Variants in MASP1 observed in about 807,000 individuals in gnomAD.
The protein encoded by MASP1 is mannan-binding lectin serine protease 1.
MASP1 carries 59 observed loss-of-function variants against 77.1 expected under a neutral mutation model. That is an observed-to-expected ratio of 0.77 (90% CI 0.62 to 0.95). MASP1 has a LOEUF of 0.95. Ranked by LOEUF, MASP1 falls within the 40% of genes least tolerant of loss-of-function variation. The pLI is 0.00. For synonymous variants in MASP1, 362 were observed against 354.5 expected, an observed-to-expected ratio of 1.02 and a Z score of -0.24; for missense variants, 885 against 912.9, an observed-to-expected ratio of 0.97 and a Z score of 0.39.
At chr3:187,243,861 T>G (rs1713861136) in intron 8 of MASP1, 1 of 554,006 alleles carries the variant, frequency 1.8e-6, no homozygotes, top group Non-Finnish European at 3.3e-6. Flanking sequence ...TCAACTCACC[T>G]GCCCAGTGTC....
At position 187,220,360 on chromosome 3, in the gene MASP1, G is replaced by A; in HGVS notation, c.1910-99C>T. On this transcript the variant is annotated intron_variant, in intron 15 of 15. Coordinates refer to the MASP1 transcript ENST00000337774. ...TTGTAGTTCAGAGAATTGGGCACTA[G>A]AGGGCATAGCAGACCGTTGGACCCA... 3.6e-6 allele frequency: 4 copies of A among 1,112,652 alleles called. No individual in the cohort carries two copies. In the Admixed American group the frequency reaches 8.2e-5, roughly 23 times the overall value. 68.9% of individuals were successfully genotyped at this position (1,112,652 alleles called of 1,614,324 possible). A position where few individuals can be genotyped will look rare whatever the true frequency, so the allele number is the denominator to read the frequency against.
intron 11 of MASP1, among the ~76,000 whole-genome samples, chr3:187,227,374 T>C (rs1337395683): frequency 6.6e-6 from 1 of 152,218 alleles, no homozygotes; most frequent in Non-Finnish European, 1.5e-5. Flanking sequence ...TCAGCTGTCA[T>C]CTTTCTCTGG....
intron 2 of MASP1, among the ~76,000 whole-genome samples, chr3:187,268,577 A>T (rs893429964): frequency 6.6e-6 from 1 of 152,128 alleles, no homozygotes; most frequent in Non-Finnish European, 1.5e-5. Flanking sequence ...AAAAGAAAGG[A>T]AGGACTGTAT....
At chr3:187,268,833 A>G (rs1361237162) in intron 2 of MASP1, among the ~76,000 whole-genome samples, 1 of 152,182 alleles carries the variant, frequency 6.6e-6, no homozygotes, top group Non-Finnish European at 1.5e-5. Flanking sequence ...TTGGGAGGCC[A>G]AGGTGGGTGG....
intron 2 of MASP1, among the ~76,000 whole-genome samples, chr3:187,269,663 G>A (rs1579558855): frequency 6.6e-6 from 1 of 152,274 alleles, no homozygotes; most frequent in Non-Finnish European, 1.5e-5. Context: ...TCTGGAGTTG[G>A]CAACATGTGC....
At chr3:187,260,901 A>G (rs1715521524) in intron 3 of MASP1, 29 bp from the exon 4 acceptor site, 2 of 1,613,682 alleles carry the variant, frequency 1.2e-6, no homozygotes, top group Admixed American at 3.3e-5. Context: ...CTCTCCATCA[A>G]TACATGCATG....
At chr3:187,225,770 AT>A (rs1468491464) in intron 12 of MASP1, among the ~76,000 whole-genome samples, 1 of 152,072 alleles carries the variant, frequency 6.6e-6, no homozygotes, top group African/African-American at 2.4e-5. Context: ...CACATGTTCA[AT>A]CCCTATCATC....
rs375399118 is a variant in MASP1 at position 187,256,686 on chromosome 3, G to A, written c.722C>T (p.Pro241Leu). The change falls in exon 5 of 11, where the codon CCC (proline) becomes CTC (leucine). Residue 241 changes from proline to leucine, a missense_variant. Pro to Leu is a moderately conservative substitution (Grantham distance 98). Transcript: ENST00000296280. The part of the protein sequence containing the change: ...IFDIEDHPEV[P>L]CPYDYIKIKV... ...CACCTTGATGTAGTCATAGGGGCAGGGCACCTCAGGATGGTCCTCAATGTC... is the reference window on the plus strand; with the variant it reads ...CACCTTGATGTAGTCATAGGGGCAGAGCACCTCAGGATGGTCCTCAATGTC... 34 of 1,613,824 alleles carry A rather than the reference G, an allele frequency of 2.1e-5. No homozygotes were observed. The highest frequency in any genetic ancestry group is 1.3e-4 in the Admixed American group (8 of 59,978).
chr3:187,274,228 T>G (rs1716767132), intron 2 of MASP1, among the ~76,000 whole-genome samples: 1 of 151,676 alleles, frequency 6.6e-6, no homozygotes, highest in Non-Finnish European at 1.5e-5. Context: ...GTAATAAAAA[T>G]AATGATGATG....
rs557823813 is a variant in MASP1 at position 187,217,915 on chromosome 3, T to C, written c.*2156A>G. 2.0e-5 allele frequency: 3 copies of C among 152,354 alleles called. No homozygotes were observed. In the East Asian group the frequency reaches 5.8e-4, roughly 29 times the overall value. The allele number at this position is 152,354 out of a possible 1,614,324, so 9.4% of individuals were successfully genotyped here. The stretch of plus-strand genomic sequence containing the variant: ...CAAGTCCTGTTTAGAATTCTAACTT[T>C]AAGGAGAAAAGCTCTTTTTGGTGTT... On this transcript the variant is annotated 3_prime_UTR_variant, in exon 16 of 16. Transcript: ENST00000337774.
Position 187,286,054 on chromosome 3 carries a change from C to T in MASP1, c.8G>A (p.Trp3Ter), listed in dbSNP as rs763048287. MR[W>*]LLLYYALCFS... is the part of the protein sequence containing the mutation. ...GCACAGAGCATAATAGAGAAGCAGC[C>T]ACCTGAAAGACATGAATGTAGGTCT... The change falls in exon 2 of 11, where the codon TGG becomes TAG. Residue 3 changes from tryptophan (W) to a stop codon, truncating the protein, a stop_gained and splice_region_variant. Coordinates refer to ENST00000296280, the MANE Select transcript of MASP1 (RefSeq NM_139125.4). LOFTEE classifies it high-confidence loss of function. 1 of 1,612,800 alleles carries T rather than the reference C, an allele frequency of 6.2e-7. No homozygotes were observed. Among genetic ancestry groups the T allele is most frequent in the Non-Finnish European group, 8.5e-7 (1 of 1,178,802 alleles).
At chr3:187,220,496 C>CTTTTT (rs376566294) in intron 15 of MASP1, among the ~76,000 whole-genome samples, 28 of 127,738 alleles carry the variant, frequency 2.2e-4, no homozygotes, top group African/African-American at 2.4e-4. Flanking sequence ...TTTTTTCTTT[C>CTTTTT]TTTTTTTTTT....
At chr3:187,220,922 C>T (rs901439041) in intron 15 of MASP1, 19 of 793,336 alleles carry the variant, frequency 2.4e-5, no homozygotes, top group South Asian at 1.4e-4. Context: ...TCCAGTCCCC[C>T]GCGCCCCCAC....
At position 187,241,551 on chromosome 3, in the gene MASP1, T is replaced by C; in HGVS notation, c.1233A>G (p.Ile411Met). Residue 411 changes from isoleucine to methionine, a missense_variant, in exon 10 of 11, where the codon ATA becomes ATG. By Grantham distance (10) the Ile-to-Met change is conservative (BLOSUM62 1). Transcript: ENST00000296280. Reference protein sequence around the residue: ...YYKMLNNNTGIYTCSAQGVWM... With the variant: ...YYKMLNNNTGMYTCSAQGVWM... ...AGACTCCTTGGGCAGAACAGGTATATATACCTGGATTAGTGAAAGAGGTTA... is the reference window on the plus strand; with the variant it reads ...AGACTCCTTGGGCAGAACAGGTATACATACCTGGATTAGTGAAAGAGGTTA... 6.2e-7 allele frequency: 1 copy of C among 1,610,818 alleles called. No homozygotes were observed.
rs1444963140 is a variant in MASP1 at position 187,235,637 on chromosome 3, G to A, written c.*47C>T. ...ATGTGGAGTGTGCTGTCGGAAGTGCGGTGTAGCTTCGCTCAGGGGAGGCAG... is the reference window on the plus strand; with the variant it reads ...ATGTGGAGTGTGCTGTCGGAAGTGCAGTGTAGCTTCGCTCAGGGGAGGCAG... On this transcript the variant is annotated 3_prime_UTR_variant, in exon 11 of 11. Transcript: ENST00000296280. 3.1e-6 allele frequency: 5 copies of A among 1,610,598 alleles called. No individual in the cohort carries two copies. Among genetic ancestry groups the A allele is most frequent in the South Asian group, 1.1e-5 (1 of 90,996 alleles).
chr3:187,235,576 G>A lies in MASP1; in HGVS notation c.*108C>T. On this transcript the variant is annotated 3_prime_UTR_variant, in exon 11 of 11. Coordinates refer to ENST00000296280, the MANE Select transcript of MASP1 (RefSeq NM_139125.4). ...GTCTCGGTAGGAGAAGCCACCGCTAGGTCAGTGTGTTCCATTCCATATGGT... is the reference window on the plus strand; with the variant it reads ...GTCTCGGTAGGAGAAGCCACCGCTAAGTCAGTGTGTTCCATTCCATATGGT... 1 of 1,578,494 alleles carries A rather than the reference G, an allele frequency of 6.3e-7. No homozygotes were observed. Among genetic ancestry groups the A allele is most frequent in the Non-Finnish European group, 8.5e-7 (1 of 1,170,538 alleles).
rs779038072 is a variant in MASP1 at position 187,256,699 on chromosome 3, G to T, written c.709C>A (p.His237Asn). Residue 237 changes from histidine to asparagine, a missense_variant, in exon 5 of 11, where the codon CAT (histidine) becomes AAT (asparagine). His to Asn is a moderately conservative substitution (Grantham distance 68). Coordinates refer to ENST00000296280, the MANE Select transcript of MASP1 (RefSeq NM_139125.4). ...TCATAGGGGCAGGGCACCTCAGGAT[G>T]GTCCTCAATGTCAAATATGTCCTCA... is the stretch of plus-strand genomic sequence containing the variant. The part of the protein sequence containing the change: ...QFEDIFDIED[H>N]PEVPCPYDYI... 12 of 1,613,804 alleles carry T rather than the reference G, an allele frequency of 7.4e-6. No homozygotes were observed. The highest frequency in any genetic ancestry group is 7.6e-6 in the Non-Finnish European group (9 of 1,179,994).
At chr3:187,281,718 G>T (rs1459062260) in intron 2 of MASP1, among the ~76,000 whole-genome samples, 1 of 152,164 alleles carries the variant, frequency 6.6e-6, no homozygotes, top group African/African-American at 2.4e-5. Context: ...CATCTTGGAA[G>T]TTCTGGTGAG....
Position 187,236,502 on chromosome 3 carries a change from C to T in MASP1, c.1369G>A (p.Glu457Lys), listed in dbSNP as rs752301646. 9.3e-6 allele frequency: 15 copies of T among 1,613,912 alleles called. No homozygotes were observed. The highest frequency in any genetic ancestry group is 1.0e-5 in the Non-Finnish European group (12 of 1,179,984). ...VKRIIGGRNA[E>K]PGLFPWQALI... is the part of the protein sequence containing the mutation. ...GCCTGCCACGGGAAGAGGCCAGGCT[C>T]AGCATTTCGGCCCCCAATGATCCTC... Residue 457 changes from glutamate to lysine, a missense_variant, in exon 11 of 11, where the codon GAG becomes AAG. Physicochemically the swap from Glu to Lys is moderately conservative, Grantham distance 56. Transcript: ENST00000296280.
Sources: gnomAD v4.1 joint callset for allele counts (sites outside exome capture counted in the v4.1 genomes callset) on GRCh38, gnomAD v4.1.1 for gene constraint, MANE v1.5 for transcripts, NCBI Gene and HGNC (gene_info 2026-07-23, HGNC 2026-07-21) for gene names.